ZNF143: variants seen among roughly 807,000 people sequenced by gnomAD.
ZNF143 encodes the protein SPH-binding factor.
ZNF143 carries 49 observed loss-of-function variants against 74.1 expected under a neutral mutation model. The observed-to-expected ratio is 0.66, with a 90% CI of 0.53 to 0.84. The LOEUF (loss-of-function observed/expected upper bound fraction) is 0.84. ZNF143 is among the 40% of genes least tolerant of loss of function. The probability of loss-of-function intolerance (pLI) is 0.00; values close to 1 mark genes in which losing one functional copy is unlikely to be tolerated. For synonymous variants in ZNF143, 304 were observed against 282.8 expected (o/e 1.07, Z -0.75); for missense variants, 637 against 793.4 (o/e 0.80, Z 2.37).
intron 7 of ZNF143, among the ~76,000 whole-genome samples, chr11:9,492,272 G>A (rs1488833254): frequency 1.3e-5 from 2 of 152,004 alleles, no homozygotes; most frequent in African/African-American, 4.8e-5. Flanking sequence ...CACAGCGCCT[G>A]GCTAATTTTT....
At chr11:9,467,861 A>AAAC (rs1200517191) in intron 1 of ZNF143, among the ~76,000 whole-genome samples, 1 of 151,806 alleles carries the variant, frequency 6.6e-6, no homozygotes, top group East Asian at 1.9e-4. Flanking sequence ...AAAAAAAAAA[A>AAAC]AAAAAGTTGT....
intron 10 of ZNF143, among the ~76,000 whole-genome samples, chr11:9,500,437 AT>A (rs957223525): frequency 2.7e-5 from 4 of 149,364 alleles, no homozygotes; most frequent in African/African-American, 7.4e-5. Context: ...TTAAAACACC[AT>A]TTTTTTTTCT....
intron 4 of ZNF143, among the ~76,000 whole-genome samples, chr11:9,474,333 A>C (rs951263225): frequency 6.6e-6 from 1 of 152,184 alleles, no homozygotes; most frequent in Non-Finnish European, 1.5e-5. Flanking sequence ...ACTCTCTTTA[A>C]TACTGGTGTA....
intron 1 of ZNF143, chr11:9,462,012 TTG>T (rs1350134579): frequency 6.6e-6 from 1 of 152,244 alleles, no homozygotes. Flanking sequence ...CAGAAGATAC[TTG>T]TGTTTTCCTG....
chr11:9,507,831 A>G (rs771228914), intron 11 of ZNF143, among the ~76,000 whole-genome samples: 6 of 152,200 alleles, frequency 3.9e-5, no homozygotes, highest in African/African-American at 1.4e-4. Flanking sequence ...GTTACCTGCA[A>G]CTGTTTCGGA....
chr11:9,474,730 A>G, intron 5 of ZNF143, 97 bp downstream of exon 5: 1 of 1,219,594 alleles, frequency 8.2e-7, no homozygotes, highest in East Asian at 2.5e-5. Flanking sequence ...TGTCATGGGA[A>G]AGAATTGTAT....
At chr11:9,489,680 G>T (rs986840965) in intron 7 of ZNF143, among the ~76,000 whole-genome samples, 2 of 152,162 alleles carry the variant, frequency 1.3e-5, no homozygotes. Flanking sequence ...CTAGTCTGAA[G>T]GTGTGAGCAG....
chr11:9,515,930 A>G (rs1252986807), intron 13 of ZNF143, among the ~76,000 whole-genome samples: 3 of 151,974 alleles, frequency 2.0e-5, no homozygotes, highest in Non-Finnish European at 4.4e-5. Context: ...GACTTCAGTG[A>G]TTTATGATTG....
intron 7 of ZNF143, among the ~76,000 whole-genome samples, chr11:9,486,221 A>T (rs2133973097): frequency 6.9e-6 from 1 of 144,920 alleles, no homozygotes; most frequent in East Asian, 2.0e-4. Context: ...ACTGCTCAAT[A>T]AATGTCAGTT....
intron 1 of ZNF143, among the ~76,000 whole-genome samples, chr11:9,464,829 A>G (rs1225168713): frequency 6.6e-6 from 1 of 152,048 alleles, no homozygotes; most frequent in Non-Finnish European, 1.5e-5. Context: ...AGGCTGAGGC[A>G]GGGGAATTGC....
At chr11:9,503,242 CA>C (rs34698129) in intron 11 of ZNF143, among the ~76,000 whole-genome samples, 49,516 of 151,966 alleles carry the variant, frequency 0.33, 9,754 homozygotes, top group Non-Finnish European at 0.44. Flanking sequence ...GTTTATTCAC[CA>C]GTTGTTTTCA....
intron 12 of ZNF143, among the ~76,000 whole-genome samples, chr11:9,511,462 A>AT (rs745823978): frequency 0.048 from 6,489 of 134,820 alleles, 327 homozygotes; most frequent in African/African-American, 0.13. Flanking sequence ...ATGCCCGGCT[A>AT]TTTTTTTTTT....
chr11:9,484,039 C>G (rs1186515120), intron 7 of ZNF143, among the ~76,000 whole-genome samples: 1 of 151,060 alleles, frequency 6.6e-6, no homozygotes, highest in East Asian at 1.9e-4. Context: ...TGAGCCACCA[C>G]ACCCAGCTCA....
chr11:9,486,371 A>ATAATATATATAATATATTAT (rs1477531952), intron 7 of ZNF143, among the ~76,000 whole-genome samples: 1 of 36,720 alleles, frequency 2.7e-5, no homozygotes, highest in African/African-American at 1.3e-4. Context: ...TATTATATAT[A>ATAATATATATAATATATTAT]ATATATTATA....
chr11:9,493,291 C>A (rs1238729643), intron 7 of ZNF143, among the ~76,000 whole-genome samples: 5 of 151,858 alleles, frequency 3.3e-5, no homozygotes, highest in Admixed American at 6.6e-5. Context: ...AGGATGGTCT[C>A]GATCTCTTGA....
chr11:9,515,416 G>A (rs1392835319), intron 13 of ZNF143, among the ~76,000 whole-genome samples: 8 of 151,518 alleles, frequency 5.3e-5, no homozygotes, highest in Non-Finnish European at 7.4e-5. Context: ...TTGGGAGGCC[G>A]AGGTGGGCGG....
rs183777065 is a variant in ZNF143, at chr11:9,483,808, G to A, written c.645+4262G>A. Among the ~76,000 whole-genome samples, 15 of 146,686 alleles carry A rather than the reference G, an allele frequency of 1.0e-4. No individual in the cohort carries two copies. The East Asian group carries it at 3.0e-3, about 29-fold the overall frequency. Reference sequence around the variant, plus strand: ...CTCTGTCACCAGGCTGGAGTGCAGTGGCATGATCTCAGCTCACTGTGACCT... The same window carrying A: ...CTCTGTCACCAGGCTGGAGTGCAGTAGCATGATCTCAGCTCACTGTGACCT... On this transcript the variant is annotated intron_variant, in intron 7 of 15. Transcript: ENST00000396602.
chr11:9,525,545 C>A, intron 15 of ZNF143, 159 bp downstream of exon 15: 2 of 933,842 alleles, frequency 2.1e-6, no homozygotes, highest in Non-Finnish European at 3.4e-6. Context: ...TTGAGGTGGA[C>A]TCAAAAAGAC....
In ZNF143 at chr11:9,504,564, G is replaced by A. The variant is rs1194098896; in HGVS notation, c.1147+3294G>A. Reference sequence around the variant, plus strand: ...ATGGAAAGGCAAATGTGAGCGTAAGGCAGGATATGCATTAGTTTTATAAGA... The same window carrying A: ...ATGGAAAGGCAAATGTGAGCGTAAGACAGGATATGCATTAGTTTTATAAGA... On this transcript the variant is annotated intron_variant, in intron 11 of 15. Transcript: ENST00000396602. Among the ~76,000 whole-genome samples the A allele has an allele frequency of 3.2e-5, 4 of 126,028 alleles. 1 individual carries two copies. The highest frequency in any genetic ancestry group is 7.5e-5 in the Non-Finnish European group (4 of 53,252). The allele number at this position is 126,028 out of a possible 152,430, so 82.7% of individuals were successfully genotyped here.
Sources: gnomAD v4.1 joint callset for allele counts (sites outside exome capture counted in the v4.1 genomes callset) on GRCh38, gnomAD v4.1.1 for gene constraint, MANE v1.5 for transcripts, NCBI Gene and HGNC (gene_info 2026-07-23, HGNC 2026-07-21) for gene names.